The following NELL1 variants were observed in gnomAD, a reference collection of about 807,000 sequenced individuals.
NELL1 encodes protein kinase C-binding protein NELL1.
NELL1 carries 76 observed loss-of-function variants against 107.4 expected under a neutral mutation model. The ratio of observed to expected loss-of-function variants is 0.71; its 90% CI spans 0.59 to 0.86. The LOEUF (loss-of-function observed/expected upper bound fraction) is 0.86. Ranked by LOEUF, NELL1 falls within the 40% of genes least tolerant of loss-of-function variation. The pLI, the probability that NELL1 is intolerant of heterozygous loss-of-function variation, is 0.00. For synonymous variants in NELL1, 353 were observed against 341.2 expected (o/e 1.03, Z -0.38); for missense variants, 1,024 against 1,005.5 (o/e 1.02, Z -0.25).
chr11:21,308,944 CT>C (rs1849667273), intron 14 of NELL1, among the ~76,000 whole-genome samples: 1 of 151,504 alleles, frequency 6.6e-6, no homozygotes, highest in Non-Finnish European at 1.5e-5. Flanking sequence ...TCTAAAATGC[CT>C]TGAAAAAAAA....
At chr11:21,087,647 C>G (rs1224287065) in intron 12 of NELL1, among the ~76,000 whole-genome samples, 1 of 152,138 alleles carries the variant, frequency 6.6e-6, no homozygotes, top group African/African-American at 2.4e-5. Flanking sequence ...AGCTGAAATG[C>G]AGCAGGAAGG....
In NELL1 at chr11:21,113,664, G is replaced by A. The variant is rs368227389; in HGVS notation, c.1376G>A (p.Arg459His). ...TGTGTCAACCTTCCTGGGTTATATCGCTGTGACTGTGTCCCAGGATACATT... is the reference window on the plus strand; with the variant it reads ...TGTGTCAACCTTCCTGGGTTATATCACTGTGACTGTGTCCCAGGATACATT... ...TVCVNLPGLY[R>H]CDCVPGYIRV... is the part of the protein sequence containing the mutation. The change falls in exon 13 of 20, where the codon CGC becomes CAC. Residue 459 changes from arginine to histidine, a missense_variant. Physicochemically the swap from Arg to His is conservative, Grantham distance 29. Transcript: ENST00000357134. 91 of 1,611,794 alleles carry A rather than the reference G, an allele frequency of 5.6e-5. No individual in the cohort carries two copies. Among genetic ancestry groups the A allele is most frequent in the Non-Finnish European group, 3.7e-5 (44 of 1,178,644 alleles).
intron 13 of NELL1, among the ~76,000 whole-genome samples, chr11:21,153,096 T>A (rs1196580240): frequency 6.6e-6 from 1 of 152,234 alleles, no homozygotes; most frequent in Non-Finnish European, 1.5e-5. Context: ...TATGTCCCTC[T>A]TAACGTTCTT....
chr11:21,174,066 T>C (rs1490478514), intron 13 of NELL1, among the ~76,000 whole-genome samples: 2 of 151,698 alleles, frequency 1.3e-5, no homozygotes, highest in East Asian at 3.9e-4. Context: ...GTTTGAGAGG[T>C]TAAGGAACAT....
chr11:21,175,571 G>A (rs1856694735), intron 13 of NELL1, among the ~76,000 whole-genome samples: 1 of 151,776 alleles, frequency 6.6e-6, no homozygotes, highest in African/African-American at 2.4e-5. Context: ...ACAGTGTTGG[G>A]TTTAAATCTA....
intron 15 of NELL1, among the ~76,000 whole-genome samples, chr11:21,509,519 T>A (rs1216790562): frequency 6.6e-6 from 1 of 152,184 alleles, no homozygotes; most frequent in Non-Finnish European, 1.5e-5. Context: ...AAATTAGGCT[T>A]ACTTTTTTTC....
At chr11:20,721,136 A>G (rs1855371170) in intron 2 of NELL1, among the ~76,000 whole-genome samples, 1 of 149,916 alleles carries the variant, frequency 6.7e-6, no homozygotes, top group Admixed American at 6.7e-5. Context: ...CTTTCTGCCC[A>G]CTGCATGGCT....
rs77738515 is a variant in NELL1 at position 21,486,942 on chromosome 11, G to T, written c.1646-47432G>T. ...GACAAAAATAAAAAGGCCTAGAAAA[G>T]AATGAACAAAGACTTTGTGGTGTTT... is the stretch of plus-strand genomic sequence containing the variant. On this transcript the variant is annotated intron_variant, in intron 15 of 19. Transcript: ENST00000357134. Among the ~76,000 whole-genome samples, 1,153 of 152,108 alleles carry T rather than the reference G, an allele frequency of 7.6e-3. 10 individuals carry two copies. Among genetic ancestry groups the T allele is most frequent in the African/African-American group, 0.027 (1,118 of 41,504 alleles).
chr11:21,474,044 G>T (rs1854256266), intron 15 of NELL1, among the ~76,000 whole-genome samples: 1 of 151,974 alleles, frequency 6.6e-6, no homozygotes, highest in Admixed American at 6.6e-5. Flanking sequence ...ACTGTCTTCT[G>T]GTTTATCATT....
chr11:21,571,239 C>G (rs1479095244), intron 18 of NELL1, among the ~76,000 whole-genome samples: 1 of 151,798 alleles, frequency 6.6e-6, no homozygotes, highest in Non-Finnish European at 1.5e-5. Flanking sequence ...CTTTCAAAAC[C>G]TTGACTAGTG....
At chr11:21,563,400 TTGTCATATA>T (rs368376660) in intron 17 of NELL1, among the ~76,000 whole-genome samples, 81 of 152,160 alleles carry the variant, frequency 5.3e-4, no homozygotes, top group African/African-American at 1.8e-3. Flanking sequence ...AACTAACCAC[TTGTCATATA>T]TGGTAGAGCT....
intron 3 of NELL1, among the ~76,000 whole-genome samples, chr11:20,822,463 C>T (rs1251569621): frequency 7.2e-5 from 11 of 151,778 alleles, no homozygotes; most frequent in African/African-American, 2.2e-4. Flanking sequence ...TTTTTTTCTT[C>T]GGAGACAGGA....
chr11:21,276,790 A>T (rs1397780285), intron 14 of NELL1, among the ~76,000 whole-genome samples: 1 of 152,228 alleles, frequency 6.6e-6, no homozygotes, highest in African/African-American at 2.4e-5. Flanking sequence ...AAAAACAAGC[A>T]ATGGGGAAAG....
At chr11:21,042,113 T>TC (rs1319024739) in intron 12 of NELL1, among the ~76,000 whole-genome samples, 1 of 152,236 alleles carries the variant, frequency 6.6e-6, no homozygotes, top group Non-Finnish European at 1.5e-5. Flanking sequence ...TTACGTTTTT[T>TC]CTCATTTGCT....
At chr11:20,850,558 T>G (rs932019181) in intron 4 of NELL1, among the ~76,000 whole-genome samples, 11 of 152,164 alleles carry the variant, frequency 7.2e-5, no homozygotes, top group Non-Finnish European at 1.3e-4. Flanking sequence ...GCACCAGGAT[T>G]TGGACCCAAG....
intron 3 of NELL1, among the ~76,000 whole-genome samples, chr11:20,813,936 T>C (rs1212836280): frequency 1.3e-5 from 2 of 151,846 alleles, no homozygotes; most frequent in African/African-American, 4.8e-5. Flanking sequence ...TTTTTAAAAT[T>C]TCAACTTTTA....
At chr11:21,329,828 G>T (rs987201080) in intron 14 of NELL1, among the ~76,000 whole-genome samples, 1 of 151,938 alleles carries the variant, frequency 6.6e-6, no homozygotes, top group African/African-American at 2.4e-5. Context: ...TAATACCAGT[G>T]ATCTATAGAG....
At chr11:21,073,799 C>T (rs573328142) in intron 12 of NELL1, among the ~76,000 whole-genome samples, 4 of 152,204 alleles carry the variant, frequency 2.6e-5, no homozygotes, top group Admixed American at 1.3e-4. Context: ...AACGTTACTT[C>T]GGTTGCTAGA....
chr11:20,809,072 A>G (rs1006719602), intron 3 of NELL1, among the ~76,000 whole-genome samples: 1 of 152,148 alleles, frequency 6.6e-6, no homozygotes, highest in African/African-American at 2.4e-5. Context: ...CTATTCGGTC[A>G]TCTTGCTTCA....
Sources: allele counts gnomAD v4.1 joint callset (sites outside exome capture counted in the v4.1 genomes callset), GRCh38; gene constraint gnomAD v4.1.1; transcripts MANE v1.5; gene names NCBI Gene and HGNC (gene_info 2026-07-23, HGNC 2026-07-21).